The following MYZAP variants were observed in gnomAD, a reference collection of about 807,000 sequenced individuals.
MYZAP encodes myocardial zonula adherens protein.
A neutral mutation model predicts 69.4 loss-of-function variants in MYZAP; 66 were observed. The observed-to-expected ratio is 0.95, with a 90% CI of 0.78 to 1.17. MYZAP has a LOEUF of 1.17. Among genes scored for constraint, MYZAP ranks in the 50% most tolerant of loss-of-function variants. MYZAP has a pLI of 0.00. For missense variants in MYZAP, 611 were observed against 556.2 expected (o/e 1.10, Z -0.99); for synonymous variants, 256 against 205.9 (o/e 1.24, Z -2.09).
chr15:57,684,038 C>T (rs567202505), intron 12 of MYZAP, among the ~76,000 whole-genome samples: 1 of 152,188 alleles, frequency 6.6e-6, no homozygotes, highest in African/African-American at 2.4e-5. Flanking sequence ...AGGTGATCCC[C>T]CTGCCTCGGC....
In MYZAP at chr15:57,623,395, T is replaced by C. The variant is rs139564568; in HGVS notation, c.411+1695T>C. On this transcript the variant is annotated intron_variant, in intron 4 of 12. Coordinates refer to ENST00000267853, the MANE Select transcript of MYZAP (RefSeq NM_001018100.5). Reference sequence around the variant, plus strand: ...AAGGATAGATTTATTTATTGTAGCATTGTTTGTAATAGTAAAACAATTGGA... The same window carrying C: ...AAGGATAGATTTATTTATTGTAGCACTGTTTGTAATAGTAAAACAATTGGA... Among the ~76,000 whole-genome samples, 1,043 of 152,314 alleles carry C rather than the reference T, an allele frequency of 6.8e-3. 17 individuals are homozygous for C. The highest frequency in any genetic ancestry group is 0.024 in the African/African-American group (1,002 of 41,572).
chr15:57,641,813 T>A (rs1273588489), intron 10 of MYZAP, among the ~76,000 whole-genome samples: 3 of 152,174 alleles, frequency 2.0e-5, no homozygotes, highest in Non-Finnish European at 2.9e-5. Flanking sequence ...ATATTTTTTT[T>A]AAAAGTTAGA....
intron 11 of MYZAP, among the ~76,000 whole-genome samples, chr15:57,669,056 A>G (rs1296458067): frequency 3.3e-5 from 5 of 151,650 alleles, no homozygotes; most frequent in Non-Finnish European, 7.4e-5. Flanking sequence ...ACGCTCGGCT[A>G]ATTTTTGTAT....
At chr15:57,601,617 T>C (rs1329638415) in intron 1 of MYZAP, among the ~76,000 whole-genome samples, 1 of 152,060 alleles carries the variant, frequency 6.6e-6, no homozygotes, top group Non-Finnish European at 1.5e-5. Flanking sequence ...TGAAGGTTGC[T>C]TGTAAAGTTG....
Position 57,621,649 on chromosome 15 carries a change from A to G in MYZAP, c.360A>G (p.Gly120=). The G allele has an allele frequency of 6.2e-7, 1 of 1,614,040 alleles. No homozygotes were observed. The highest frequency in any genetic ancestry group is 8.5e-7 in the Non-Finnish European group (1 of 1,179,930). Residue 120 remains glycine (G), a synonymous_variant, in exon 4 of 13, where the codon GGA becomes GGG. Coordinates refer to ENST00000267853, the MANE Select transcript of MYZAP (RefSeq NM_001018100.5). Reference sequence around the variant, plus strand: ...AAAAGGTGAGAAAGCGAATGTATGGAGACTATGATGAGATGAGACAGAAGA... The same window carrying G: ...AAAAGGTGAGAAAGCGAATGTATGGGGACTATGATGAGATGAGACAGAAGA... ...TLEKVRKRMY[G]DYDEMRQKIR...
intron 2 of MYZAP, among the ~76,000 whole-genome samples, chr15:57,605,207 A>G (rs1484712941): frequency 6.6e-6 from 1 of 152,184 alleles, no homozygotes; most frequent in Non-Finnish European, 1.5e-5. Context: ...TCATCCATGG[A>G]ACTTATATTC....
At chr15:57,648,478 C>T (rs1219988383) in intron 10 of MYZAP, 1 of 984,932 alleles carries the variant, frequency 1.0e-6, no homozygotes, top group Admixed American at 6.1e-5. Context: ...CAAGGCTATG[C>T]ATATGGATGT....
chr15:57,601,441 C>T (rs2034409684), intron 1 of MYZAP, among the ~76,000 whole-genome samples: 1 of 152,026 alleles, frequency 6.6e-6, no homozygotes, highest in Non-Finnish European at 1.5e-5. Flanking sequence ...GTGCAAATGT[C>T]AGACTGGTTT....
At chr15:57,627,785 TG>T (rs1426594681) in intron 5 of MYZAP, among the ~76,000 whole-genome samples, 1 of 152,122 alleles carries the variant, frequency 6.6e-6, no homozygotes, top group Non-Finnish European at 1.5e-5. Flanking sequence ...AGAAAAATCC[TG>T]GTCTCTTGGA....
chr15:57,619,647 C>T (rs1043950358), intron 3 of MYZAP, among the ~76,000 whole-genome samples: 3 of 152,192 alleles, frequency 2.0e-5, no homozygotes, highest in African/African-American at 4.8e-5. Context: ...TCACTGTGCC[C>T]GGCCTCCAGA....
intron 10 of MYZAP, among the ~76,000 whole-genome samples, chr15:57,644,840 C>T (rs1475723475): frequency 6.6e-6 from 1 of 152,114 alleles, no homozygotes; most frequent in African/African-American, 2.4e-5. Flanking sequence ...GCTATTTAGA[C>T]CCATCTAGAG....
chr15:57,637,062 G>A (rs530423583), intron 8 of MYZAP, among the ~76,000 whole-genome samples: 2 of 152,242 alleles, frequency 1.3e-5, no homozygotes, highest in East Asian at 1.9e-4. Context: ...CATCTTCCAG[G>A]CTCCTTCTCT....
At chr15:57,671,931 A>G (rs2038887598) in intron 11 of MYZAP, among the ~76,000 whole-genome samples, 1 of 152,132 alleles carries the variant, frequency 6.6e-6, no homozygotes, top group Non-Finnish European at 1.5e-5. Context: ...TTTATATGTC[A>G]CATAATTTTG....
intron 1 of MYZAP, among the ~76,000 whole-genome samples, chr15:57,596,450 T>C (rs1185320297): frequency 6.6e-6 from 1 of 152,228 alleles, no homozygotes; most frequent in Non-Finnish European, 1.5e-5. Flanking sequence ...TCATGCCTTA[T>C]GGTCTTACGG....
chr15:57,605,973 G>A (rs372916422), intron 2 of MYZAP, among the ~76,000 whole-genome samples: 9 of 152,068 alleles, frequency 5.9e-5, no homozygotes, highest in African/African-American at 2.2e-4. Flanking sequence ...ATTGGAGAAG[G>A]GGAGTAGAGG....
rs147640869 is a variant in MYZAP at position 57,636,116 on chromosome 15, A to T, written c.934-1579A>T. Among the ~76,000 whole-genome samples the T allele has an allele frequency of 4.9e-4, 75 of 152,022 alleles. 1 individual carries two copies. The highest frequency in any genetic ancestry group is 4.5e-3 in the Admixed American group (68 of 15,266). Reference sequence around the variant, plus strand: ...GTTAGACCTTGCTCTACTTTATGACAGCCTTTTTCTTTCTTGTTTTTTGTT... The same window carrying T: ...GTTAGACCTTGCTCTACTTTATGACTGCCTTTTTCTTTCTTGTTTTTTGTT... On this transcript the variant is annotated intron_variant, in intron 8 of 12. Coordinates refer to ENST00000267853, the MANE Select transcript of MYZAP (RefSeq NM_001018100.5).
intron 2 of MYZAP, among the ~76,000 whole-genome samples, chr15:57,604,749 G>A (rs1281399579): frequency 6.6e-5 from 10 of 152,308 alleles, no homozygotes; most frequent in African/African-American, 1.2e-4. Flanking sequence ...AGCAGCAGCC[G>A]GGGGCTCTGC....
chr15:57,672,566 G>A (rs1349435541), intron 11 of MYZAP, among the ~76,000 whole-genome samples: 2 of 152,180 alleles, frequency 1.3e-5, no homozygotes, highest in African/African-American at 4.8e-5. Context: ...AATTGCAGTG[G>A]TCTTCCTGCT....
chr15:57,651,258 T>A (rs1271460155), intron 10 of MYZAP, among the ~76,000 whole-genome samples: 2 of 152,208 alleles, frequency 1.3e-5, no homozygotes, highest in Non-Finnish European at 2.9e-5. Flanking sequence ...ATGTATTACA[T>A]GAATTTGAAG....
Sources: gnomAD v4.1 joint callset for allele counts (sites outside exome capture counted in the v4.1 genomes callset) on GRCh38, gnomAD v4.1.1 for gene constraint, MANE v1.5 for transcripts, NCBI Gene and HGNC (gene_info 2026-07-23, HGNC 2026-07-21) for gene names.